The following PTPRT variants were observed in gnomAD, a reference collection of about 807,000 sequenced individuals.
The protein encoded by PTPRT is receptor-type tyrosine-protein phosphatase T.
Under a neutral mutation model 176.8 loss-of-function variants are expected in PTPRT, and 56 were observed. That is an observed-to-expected ratio of 0.32 (90% CI 0.26 to 0.40). The LOEUF (loss-of-function observed/expected upper bound fraction) is 0.40. Among genes scored for constraint, PTPRT ranks in the 10% least tolerant of loss-of-function variants. The pLI, the probability that PTPRT is intolerant of heterozygous loss-of-function variation, is 1.00. For synonymous variants in PTPRT, 783 were observed against 739.0 expected, an observed-to-expected ratio of 1.06 and a Z score of -0.96; for missense variants, 1,540 against 1,908.2, an observed-to-expected ratio of 0.81 and a Z score of 3.60.
At chr20:42,964,899 T>A (rs1410388502) in intron 1 of PTPRT, among the ~76,000 whole-genome samples, 1 of 152,222 alleles carries the variant, frequency 6.6e-6, no homozygotes, top group Non-Finnish European at 1.5e-5. Context: ...AAATCATATA[T>A]CAATAGATGC....
chr20:42,224,444 A>AT (rs1396275178), intron 15 of PTPRT, among the ~76,000 whole-genome samples: 1 of 152,186 alleles, frequency 6.6e-6, no homozygotes, highest in African/African-American at 2.4e-5. Flanking sequence ...ACTTCTACAG[A>AT]TTTTACTTTC....
chr20:42,312,439 T>C (rs146018804), intron 12 of PTPRT, among the ~76,000 whole-genome samples: 67 of 152,328 alleles, frequency 4.4e-4, no homozygotes, highest in African/African-American at 1.6e-3. Context: ...AGACTGAGAA[T>C]GGCTGTTCTG....
At chr20:42,682,012 T>C (rs868349833) in intron 6 of PTPRT, among the ~76,000 whole-genome samples, 1 of 152,192 alleles carries the variant, frequency 6.6e-6, no homozygotes, top group African/African-American at 2.4e-5. Context: ...GCCAGAAGCA[T>C]AGTGACCTGA....
At chr20:42,816,478 C>T (rs969200047) in intron 2 of PTPRT, among the ~76,000 whole-genome samples, 1 of 152,180 alleles carries the variant, frequency 6.6e-6, no homozygotes, top group African/African-American at 2.4e-5. Context: ...CCACCCAAAT[C>T]TCATCTTGAA....
chr20:42,239,715 C>T (rs1032461597), intron 14 of PTPRT, among the ~76,000 whole-genome samples: 1 of 152,114 alleles, frequency 6.6e-6, no homozygotes, highest in African/African-American at 2.4e-5. Flanking sequence ...AACCGCCGTG[C>T]CCAGCCCATA....
intron 30 of PTPRT, 72 bp from the exon 31 acceptor site, chr20:42,081,004 A>G (rs1983272722): frequency 2.3e-6 from 3 of 1,296,042 alleles, no homozygotes; most frequent in Non-Finnish European, 3.3e-6. Context: ...GAAAGGGAAA[A>G]TGCATTTAGT....
At chr20:43,122,283 C>T (rs1177048838) in intron 1 of PTPRT, among the ~76,000 whole-genome samples, 8 of 152,320 alleles carry the variant, frequency 5.3e-5, no homozygotes, top group African/African-American at 1.7e-4. Flanking sequence ...AGGTATCAGA[C>T]ATATAAATGA....
At chr20:42,865,507 A>G (rs1223400583) in intron 2 of PTPRT, among the ~76,000 whole-genome samples, 4 of 152,210 alleles carry the variant, frequency 2.6e-5, no homozygotes, top group Non-Finnish European at 5.9e-5. Context: ...TGTGAATGGA[A>G]AAGTTGCTTC....
chr20:42,553,894 G>C (rs2072813749), intron 7 of PTPRT, among the ~76,000 whole-genome samples: 1 of 152,088 alleles, frequency 6.6e-6, no homozygotes, highest in Non-Finnish European at 1.5e-5. Flanking sequence ...TTCTAAGGTG[G>C]AGCTGATGGG....
chr20:42,292,767 C>T (rs2057336858), intron 12 of PTPRT, among the ~76,000 whole-genome samples: 1 of 152,142 alleles, frequency 6.6e-6, no homozygotes, highest in Admixed American at 6.6e-5. Context: ...TTCTGTTTGA[C>T]TTGACGCAGG....
rs533036862 is a variant in PTPRT at position 42,900,446 on chromosome 20, C to T, written c.89-14514G>A. On this transcript the variant is annotated intron_variant, in intron 1 of 30. Coordinates refer to ENST00000373187, the MANE Select transcript of PTPRT (RefSeq NM_007050.6). ...GGTATGAATGCCCAAGTCCTGTCATCTCTCTACCCCTTTCCAGCACTTCCT... is the reference window on the plus strand; with the variant it reads ...GGTATGAATGCCCAAGTCCTGTCATTTCTCTACCCCTTTCCAGCACTTCCT... Among the ~76,000 whole-genome samples, 37 of 152,292 alleles carry T rather than the reference C, an allele frequency of 2.4e-4. No homozygotes were observed. In the South Asian group the frequency reaches 6.2e-3, roughly 26 times the overall value.
chr20:42,225,693 C>T (rs2055991375), intron 15 of PTPRT, among the ~76,000 whole-genome samples: 2 of 152,186 alleles, frequency 1.3e-5, no homozygotes, highest in African/African-American at 4.8e-5. Context: ...CTCTTTGTCG[C>T]CCAGGCTGGA....
intron 1 of PTPRT, among the ~76,000 whole-genome samples, chr20:42,995,513 G>A (rs908082862): frequency 1.3e-5 from 2 of 152,084 alleles, no homozygotes; most frequent in African/African-American, 4.8e-5. Flanking sequence ...TCCTACCTCT[G>A]AAACACTGGG....
intron 7 of PTPRT, among the ~76,000 whole-genome samples, chr20:42,565,169 A>C (rs914651764): frequency 6.6e-6 from 1 of 152,024 alleles, no homozygotes; most frequent in African/African-American, 2.4e-5. Flanking sequence ...ATCTCAAAAG[A>C]CACAGACACT....
At chr20:42,090,705 G>C (rs930810938) in intron 27 of PTPRT, among the ~76,000 whole-genome samples, 1 of 152,162 alleles carries the variant, frequency 6.6e-6, no homozygotes, top group African/African-American at 2.4e-5. Flanking sequence ...ACAACTCCTG[G>C]GGAGGGAAAG....
intron 7 of PTPRT, among the ~76,000 whole-genome samples, chr20:42,578,738 G>A (rs1014288531): frequency 2.6e-5 from 4 of 151,902 alleles, no homozygotes; most frequent in Middle Eastern, 3.2e-3. Flanking sequence ...ATCTGCAATC[G>A]CCTCCTACAG....
At chr20:42,474,278 C>A (rs78051363) in intron 7 of PTPRT, among the ~76,000 whole-genome samples, 5,216 of 152,256 alleles carry the variant, frequency 0.034, 227 homozygotes, top group East Asian at 0.1. Flanking sequence ...TACCTCTGCA[C>A]CAATGCAGCA....
intron 12 of PTPRT, among the ~76,000 whole-genome samples, chr20:42,305,319 C>G (rs1050570125): frequency 1.3e-5 from 2 of 151,878 alleles, no homozygotes; most frequent in African/African-American, 4.8e-5. Flanking sequence ...CCACTGCAAT[C>G]TAGCCTGGGC....
At chr20:43,074,030 A>C in intron 1 of PTPRT, among the ~76,000 whole-genome samples, 1 of 152,106 alleles carries the variant, frequency 6.6e-6, no homozygotes, top group Non-Finnish European at 1.5e-5. Context: ...CTGGGATTAC[A>C]ACTGTGAGCC....
Sources: allele counts gnomAD v4.1 joint callset (sites outside exome capture counted in the v4.1 genomes callset), GRCh38; gene constraint gnomAD v4.1.1; transcripts MANE v1.5; gene names NCBI Gene and HGNC (gene_info 2026-07-23, HGNC 2026-07-21).